Variants in USH2A observed in about 807,000 individuals in gnomAD.
USH2A encodes the protein Usher syndrome 2A (autosomal recessive, mild).
In USH2A, 443 loss-of-function variants were observed where a neutral mutation model predicts 538.9. The ratio of observed to expected loss-of-function variants is 0.82; its 90% CI spans 0.76 to 0.89. The LOEUF is 0.89. Among genes scored for constraint, USH2A ranks in the 40% least tolerant of loss-of-function variants. The pLI is 0.00. For synonymous variants in USH2A, 2,413 were observed against 2,273.5 expected (o/e 1.06, Z -1.75); for missense variants, 6,633 against 6,324.8 (o/e 1.05, Z -1.65).
chr1:216,375,217 C>T (rs1197134294), intron 3 of USH2A, among the ~76,000 whole-genome samples: 1 of 152,120 alleles, frequency 6.6e-6, no homozygotes, highest in Non-Finnish European at 1.5e-5. Context: ...ATTTTTGGAG[C>T]TTTGAAACTA....
In USH2A at chr1:216,200,169, G is replaced by A. The variant is rs865903872; in HGVS notation, c.3317-48C>T. ...AAACAAAGTTACATTTCACAAGTTG[G>A]TGAAGAATCATTGCTAACTGCTTTC... On this transcript the variant is annotated intron_variant, in intron 16 of 71. Coordinates refer to ENST00000307340, the MANE Select transcript of USH2A (RefSeq NM_206933.4). The A allele has an allele frequency of 3.2e-6, 5 of 1,576,670 alleles. No individual in the cohort carries two copies. In the African/African-American group the frequency reaches 4.1e-5, roughly 13 times the overall value.
chr1:215,672,489 C>G (rs758384753), intron 63 of USH2A, among the ~76,000 whole-genome samples: 1 of 152,118 alleles, frequency 6.6e-6, no homozygotes, highest in African/African-American at 2.4e-5. Context: ...TATTGGTGAT[C>G]AAATCCATAG....
At chr1:215,781,909 A>G (rs1661653646) in intron 54 of USH2A, 133 bp downstream of exon 54, 5 of 1,178,962 alleles carry the variant, frequency 4.2e-6, no homozygotes, top group East Asian at 2.3e-5. Flanking sequence ...AACGTGACAC[A>G]TGAACACGCT....
chr1:216,285,308 C>A (rs1206634508), intron 11 of USH2A, among the ~76,000 whole-genome samples: 3 of 152,218 alleles, frequency 2.0e-5, no homozygotes, highest in African/African-American at 7.2e-5. Flanking sequence ...TAAAAGGGAT[C>A]AACATACAGC....
intron 56 of USH2A, among the ~76,000 whole-genome samples, chr1:215,760,144 C>T (rs564189961): frequency 4.3e-4 from 65 of 152,238 alleles, no homozygotes; most frequent in African/African-American, 1.5e-3. Flanking sequence ...GGATTTCAAA[C>T]TTTTTAATAC....
At chr1:215,654,263 T>C (rs1657173031) in intron 64 of USH2A, among the ~76,000 whole-genome samples, 1 of 152,184 alleles carries the variant, frequency 6.6e-6, no homozygotes, top group Non-Finnish European at 1.5e-5. Flanking sequence ...GTTGGTTTGC[T>C]GCACCCATGA....
chr1:215,750,655 T>C (rs1210518923), intron 58 of USH2A, among the ~76,000 whole-genome samples: 4 of 152,186 alleles, frequency 2.6e-5, no homozygotes, highest in Non-Finnish European at 5.9e-5. Context: ...GAAAAATCAT[T>C]TGCTTTCCGC....
chr1:216,072,335 T>A (rs1193041581), intron 29 of USH2A: 2 of 174,630 alleles, frequency 1.1e-5, no homozygotes, highest in Non-Finnish European at 2.5e-5. Flanking sequence ...TCCTAGTTGG[T>A]TCTTTTCCAA....
Position 216,046,412 on chromosome 1 carries a change from A to C in USH2A, c.6325+19T>G. ...GAATATAGACTATAACAATTCGCTG[A>C]TAACTCTAGAGGTCTTACCTGTGAC... On this transcript the variant is annotated intron_variant, in intron 32 of 71. Coordinates refer to ENST00000307340, the MANE Select transcript of USH2A (RefSeq NM_206933.4). 1 of 1,613,266 alleles carries C rather than the reference A, an allele frequency of 6.2e-7. No homozygotes were observed. The highest frequency in any genetic ancestry group is 8.5e-7 in the Non-Finnish European group (1 of 1,179,356).
intron 20 of USH2A, among the ~76,000 whole-genome samples, chr1:216,184,580 C>G (rs572678978): frequency 2.0e-4 from 31 of 151,720 alleles, no homozygotes; most frequent in South Asian, 1.5e-3. Context: ...TAACTAAGAA[C>G]AAAGATTGTA....
intron 21 of USH2A, among the ~76,000 whole-genome samples, chr1:216,116,121 C>T (rs985465114): frequency 6.6e-5 from 10 of 151,368 alleles, no homozygotes; most frequent in East Asian, 1.9e-4. Flanking sequence ...TAACTTTTTA[C>T]GTATATTTGT....
Position 216,097,179 on chromosome 1 carries a change from T to C in USH2A, c.4662A>G (p.Glu1554=). Residue 1554 remains glutamate, a synonymous_variant, in exon 22 of 72, where the codon GAA becomes GAG. Transcript: ENST00000307340. ...GTGATGCTGCAAAGACAATCAAACCTTCAGGCACTTTTGTTCGAAAGCTGG... is the reference window on the plus strand; with the variant it reads ...GTGATGCTGCAAAGACAATCAAACCCTCAGGCACTTTTGTTCGAAAGCTGG... ...IKASFRTKVP[E]GLIVFAASPG... is the part of the protein sequence containing the mutation. 6.2e-7 allele frequency: 1 copy of C among 1,614,170 alleles called. No homozygotes were observed. The highest frequency in any genetic ancestry group is 8.5e-7 in the Non-Finnish European group (1 of 1,180,000).
chr1:216,047,835 G>T (rs2030589158), intron 31 of USH2A, among the ~76,000 whole-genome samples: 2 of 152,182 alleles, frequency 1.3e-5, no homozygotes, highest in Non-Finnish European at 2.9e-5. Context: ...AAGTAACAAT[G>T]CTTCAAATGT....
intron 61 of USH2A, among the ~76,000 whole-genome samples, chr1:215,702,115 A>AC (rs1659042882): frequency 1.3e-5 from 2 of 152,146 alleles, no homozygotes; most frequent in Non-Finnish European, 2.9e-5. Flanking sequence ...TGGGTTGAAA[A>AC]TTCTTTGCGT....
intron 32 of USH2A, among the ~76,000 whole-genome samples, chr1:216,008,583 C>T (rs1668465961): frequency 6.6e-6 from 1 of 152,100 alleles, no homozygotes; most frequent in Admixed American, 6.5e-5. Flanking sequence ...GATCGGGGGA[C>T]CTCCCTTGGG....
At chr1:216,364,594 G>A (rs1588657) in intron 4 of USH2A, among the ~76,000 whole-genome samples, 92,138 of 151,888 alleles carry the variant, frequency 0.61, 29,383 homozygotes, top group East Asian at 0.83. Context: ...GTAAAGGGGA[G>A]AAGATTCAGA....
At chr1:215,658,059 G>T (rs1188152825) in intron 64 of USH2A, among the ~76,000 whole-genome samples, 1 of 151,084 alleles carries the variant, frequency 6.6e-6, no homozygotes, top group African/African-American at 2.4e-5. Context: ...TCAGCCTCCC[G>T]AGTAGCCTGG....
chr1:215,948,110 T>C (rs1666802984), intron 37 of USH2A, among the ~76,000 whole-genome samples: 1 of 152,114 alleles, frequency 6.6e-6, no homozygotes, highest in Non-Finnish European at 1.5e-5. Context: ...ACATCTCTTG[T>C]ATAACAATCT....
intron 21 of USH2A, among the ~76,000 whole-genome samples, chr1:216,119,816 TG>T (rs911165048): frequency 2.0e-5 from 3 of 152,084 alleles, no homozygotes; most frequent in Non-Finnish European, 4.4e-5. Flanking sequence ...CAGGCAATGT[TG>T]ATATGCTTTC....
Sources: gnomAD v4.1 joint callset for allele counts (sites outside exome capture counted in the v4.1 genomes callset) on GRCh38, gnomAD v4.1.1 for gene constraint, MANE v1.5 for transcripts, NCBI Gene and HGNC (gene_info 2026-07-23, HGNC 2026-07-21) for gene names.